Variants in RTN1 observed in about 807,000 individuals in gnomAD.
RTN1 encodes reticulon-1.
RTN1 carries 25 observed loss-of-function variants against 65.5 expected under a neutral mutation model. The ratio of observed to expected loss-of-function variants is 0.38; its 90% CI spans 0.28 to 0.53. The LOEUF (loss-of-function observed/expected upper bound fraction) is 0.53, where lower values mean the gene tolerates loss of function less well. Among genes scored for constraint, RTN1 ranks in the 20% least tolerant of loss-of-function variants. The pLI, the probability that RTN1 is intolerant of heterozygous loss-of-function variation, is 0.79. For missense variants in RTN1, 983 were observed against 1,025.4 expected (o/e 0.96, Z 0.57); for synonymous variants, 471 against 447.6 (o/e 1.05, Z -0.66).
chr14:59,661,100 C>T (rs1176641421), intron 3 of RTN1, among the ~76,000 whole-genome samples: 1 of 151,842 alleles, frequency 6.6e-6, no homozygotes, highest in Non-Finnish European at 1.5e-5. Flanking sequence ...TCAGAGAATA[C>T]TATAAACACC....
chr14:59,795,259 A>C (rs1289442742), intron 1 of RTN1, among the ~76,000 whole-genome samples: 1 of 152,262 alleles, frequency 6.6e-6, no homozygotes, highest in African/African-American at 2.4e-5. Flanking sequence ...AAATAGTAGC[A>C]TAACAAGTGT....
rs557644174 is a variant in RTN1, at chr14:59,627,344, C to T, written c.1766-19852G>A. Among the ~76,000 whole-genome samples the T allele has an allele frequency of 1.2e-4, 18 of 152,366 alleles. No homozygotes were observed. The East Asian group carries it at 3.3e-3, about 28-fold the overall frequency. On this transcript the variant is annotated intron_variant, in intron 3 of 8. Coordinates refer to ENST00000267484, the MANE Select transcript of RTN1 (RefSeq NM_021136.3). The stretch of plus-strand genomic sequence containing the variant: ...GAGACAGCCCAGGCTTGCAGCCAGC[C>T]TCTGGCATTACTATCTGTGTGCCCT...
intron 3 of RTN1, among the ~76,000 whole-genome samples, chr14:59,711,404 G>T (rs1884415004): frequency 6.6e-6 from 1 of 152,086 alleles, no homozygotes; most frequent in Non-Finnish European, 1.5e-5. Flanking sequence ...AGAGATAAAT[G>T]CTCTTCGTGA....
At chr14:59,641,915 T>C (rs1450246865) in intron 3 of RTN1, among the ~76,000 whole-genome samples, 1 of 152,176 alleles carries the variant, frequency 6.6e-6, no homozygotes, top group Non-Finnish European at 1.5e-5. Context: ...TTTACTCACA[T>C]ATTTATCCTT....
At chr14:59,690,304 T>G (rs1464292457) in intron 3 of RTN1, among the ~76,000 whole-genome samples, 2 of 141,318 alleles carry the variant, frequency 1.4e-5, no homozygotes, top group African/African-American at 5.2e-5. Flanking sequence ...AGAGCGGAGG[T>G]GGGGGGGGGT....
intron 2 of RTN1, among the ~76,000 whole-genome samples, chr14:59,743,377 G>A (rs185103075): frequency 1.3e-5 from 2 of 152,314 alleles, no homozygotes; most frequent in Admixed American, 1.3e-4. Context: ...AGGACTGGCT[G>A]AAGTTCTTGT....
At chr14:59,748,021 C>T (rs895555366) in intron 1 of RTN1, among the ~76,000 whole-genome samples, 1 of 152,060 alleles carries the variant, frequency 6.6e-6, no homozygotes, top group African/African-American at 2.4e-5. Flanking sequence ...ATAATCAAAG[C>T]AATCCTAGAA....
intron 1 of RTN1, among the ~76,000 whole-genome samples, chr14:59,776,720 T>C (rs1230582773): frequency 6.6e-6 from 1 of 152,114 alleles, no homozygotes; most frequent in African/African-American, 2.4e-5. Context: ...GAGCTTCATG[T>C]CACTCCTTTC....
Position 59,834,914 on chromosome 14 carries a change from A to C in RTN1, c.241+35476T>G, listed in dbSNP as rs1383647441. ...TTGTATACTGGTGGGAATGTGAAATAGTACAGTCACTTTAGAAAACAGTTT... is the reference window on the plus strand; with the variant it reads ...TTGTATACTGGTGGGAATGTGAAATCGTACAGTCACTTTAGAAAACAGTTT... On this transcript the variant is annotated intron_variant, in intron 1 of 8. Coordinates refer to ENST00000267484, the MANE Select transcript of RTN1 (RefSeq NM_021136.3). Among the ~76,000 whole-genome samples the C allele has an allele frequency of 7.2e-5, 11 of 152,234 alleles. 1 individual carries two copies. Among genetic ancestry groups the C allele is most frequent in the Admixed American group, 3.9e-4 (6 of 15,268 alleles).
intron 3 of RTN1, among the ~76,000 whole-genome samples, chr14:59,625,769 A>G (rs149926337): frequency 7.2e-4 from 109 of 152,326 alleles, no homozygotes; most frequent in African/African-American, 2.6e-3. Context: ...AAATAAAGCC[A>G]TTATTCCCCT....
At chr14:59,824,791 T>A (rs1272321484) in intron 1 of RTN1, among the ~76,000 whole-genome samples, 1 of 152,238 alleles carries the variant, frequency 6.6e-6, no homozygotes, top group Admixed American at 6.5e-5. Context: ...ATTTGCCAAC[T>A]AAGAAATCTA....
At chr14:59,645,289 T>A (rs1293392151) in intron 3 of RTN1, among the ~76,000 whole-genome samples, 1 of 152,186 alleles carries the variant, frequency 6.6e-6, no homozygotes, top group Non-Finnish European at 1.5e-5. Flanking sequence ...CTTCAGGTGC[T>A]GGAAAATCTG....
chr14:59,618,875 A>G (rs775731735), intron 3 of RTN1, among the ~76,000 whole-genome samples: 8 of 152,250 alleles, frequency 5.3e-5, no homozygotes, highest in African/African-American at 1.9e-4. Flanking sequence ...CTATTATCTA[A>G]GTAAGCACAG....
rs533762607 is a variant in RTN1, at chr14:59,753,871, T to G, written c.242-7390A>C. 7.2e-5 allele frequency among the ~76,000 whole-genome samples: 11 copies of G among 152,334 alleles called. 1 individual carries two copies. Among genetic ancestry groups the G allele is most frequent in the Admixed American group, 2.0e-4 (3 of 15,298 alleles). On this transcript the variant is annotated intron_variant, in intron 1 of 8. Transcript: ENST00000267484. ...GACATTGCCACATAACCAAGGATTC[T>G]GTGGAATATCTGATTTCCTCAGATA...
intron 1 of RTN1, among the ~76,000 whole-genome samples, chr14:59,753,459 CA>C (rs1885572249): frequency 6.6e-6 from 1 of 152,092 alleles, no homozygotes; most frequent in Non-Finnish European, 1.5e-5. Flanking sequence ...ATCATAAAAA[CA>C]AAGAATAATT....
intron 1 of RTN1, among the ~76,000 whole-genome samples, chr14:59,787,485 G>A (rs889552421): frequency 2.0e-5 from 3 of 152,222 alleles, no homozygotes; most frequent in Non-Finnish European, 2.9e-5. Flanking sequence ...TCAGCACTTG[G>A]TCAGCGTTTA....
chr14:59,776,402 T>C (rs1886050790), intron 1 of RTN1, among the ~76,000 whole-genome samples: 2 of 152,154 alleles, frequency 1.3e-5, no homozygotes, highest in Admixed American at 6.6e-5. Context: ...GCTCTTGTCC[T>C]TCTGCCTTCC....
intron 1 of RTN1, among the ~76,000 whole-genome samples, chr14:59,778,870 A>G (rs1886101305): frequency 6.6e-6 from 1 of 152,130 alleles, no homozygotes; most frequent in Non-Finnish European, 1.5e-5. Context: ...GAGGCTGGAG[A>G]GGGAGAACAG....
chr14:59,722,730 A>C (rs1884671617), intron 3 of RTN1, among the ~76,000 whole-genome samples: 2 of 152,018 alleles, frequency 1.3e-5, no homozygotes, highest in Non-Finnish European at 2.9e-5. Context: ...TAAAAAAAAA[A>C]CAATACAAAG....
Sources: allele counts gnomAD v4.1 joint callset (sites outside exome capture counted in the v4.1 genomes callset), GRCh38; gene constraint gnomAD v4.1.1; transcripts MANE v1.5; gene names NCBI Gene and HGNC (gene_info 2026-07-23, HGNC 2026-07-21).